Variants in MRPL44 observed in about 807,000 individuals in gnomAD.
MRPL44 encodes the protein mitochondrial ribosomal protein L44, also known as large ribosomal subunit protein mL44.
A neutral mutation model predicts 25.9 loss-of-function variants in MRPL44; 21 were observed. The observed-to-expected ratio is 0.81, with a 90% CI of 0.58 to 1.17. The LOEUF (loss-of-function observed/expected upper bound fraction) is 1.17, where lower values mean the gene tolerates loss of function less well. Among genes scored for constraint, MRPL44 ranks in the 50% most tolerant of loss-of-function variants. The pLI is 0.00. For missense variants in MRPL44, 410 were observed against 398.9 expected (o/e 1.03, Z -0.24); for synonymous variants, 169 against 151.0 (o/e 1.12, Z -0.87).
In MRPL44 at chr2:223,961,083, C is replaced by T. The variant is rs533125858; in HGVS notation, c.648+1081C>T. ...TTAATGTTGAGTGCCTTACTATGGGCCAGGCACTCTGCTGAGCTCTGAAGC... is the reference window on the plus strand; with the variant it reads ...TTAATGTTGAGTGCCTTACTATGGGTCAGGCACTCTGCTGAGCTCTGAAGC... On this transcript the variant is annotated intron_variant, in intron 2 of 3. Coordinates refer to ENST00000258383, the MANE Select transcript of MRPL44 (RefSeq NM_022915.5). Among the ~76,000 whole-genome samples, 8 of 152,260 alleles carry T rather than the reference C, an allele frequency of 5.3e-5. 1 individual carries two copies. In the South Asian group the frequency reaches 1.7e-3, roughly 32 times the overall value.
At chr2:223,951,289 G>A in the MRPL44 span, among the ~76,000 whole-genome samples, 1 of 152,154 alleles carries the variant, frequency 6.6e-6, no homozygotes, top group African/African-American at 2.4e-5. Flanking sequence ...GGTACACAAA[G>A]AGAAATTATT....
chr2:223,951,538 G>GCAC, the MRPL44 span, among the ~76,000 whole-genome samples: 1 of 147,106 alleles, frequency 6.8e-6, no homozygotes, highest in Admixed American at 7.0e-5. Flanking sequence ...GAGTGCAGTG[G>GCAC]CACGTTCTCG....
Position 223,967,199 on chromosome 2 carries a change from G to T in MRPL44, c.*165G>T. On this transcript the variant is annotated 3_prime_UTR_variant, in exon 4 of 4. Transcript: ENST00000258383. ...GTGTTAACCAAGTCACAGTGTTTTT[G>T]GTTTTGTTTTTCTGAAATCTTGGTT... 17 of 718,082 alleles carry T rather than the reference G, an allele frequency of 2.4e-5. No individual in the cohort carries two copies. Among genetic ancestry groups the T allele is most frequent in the South Asian group, 1.4e-4 (5 of 37,022 alleles). 44.5% of individuals were successfully genotyped at this position (718,082 alleles called of 1,614,324 possible).
upstream of MRPL44, among the ~76,000 whole-genome samples, chr2:223,954,547 G>A (rs181399548): frequency 9.4e-4 from 143 of 152,322 alleles, no homozygotes; most frequent in Non-Finnish European, 1.7e-3. Context: ...TGGGAGTGGA[G>A]GATCCAATTC....
chr2:223,962,988 C>T (rs11886462), intron 2 of MRPL44, among the ~76,000 whole-genome samples: 55,666 of 152,120 alleles, frequency 0.37, 10,966 homozygotes, highest in Non-Finnish European at 0.44. Flanking sequence ...AGGTGTGAGC[C>T]ACCTCACCTG....
intron 2 of MRPL44, among the ~76,000 whole-genome samples, chr2:223,962,564 A>G (rs1048307257): frequency 2.0e-5 from 3 of 152,224 alleles, no homozygotes; most frequent in Admixed American, 6.5e-5. Context: ...TCTATACAAC[A>G]TAATACTTTT....
At chr2:223,963,680 T>G in intron 2 of MRPL44, 76 bp from the exon 3 acceptor site, 1 of 943,824 alleles carries the variant, frequency 1.1e-6, no homozygotes, top group South Asian at 3.0e-5. Flanking sequence ...ATTTAAAAAG[T>G]GTAAAAAATG....
At chr2:223,956,071 A>G (rs2106114364), upstream of MRPL44, among the ~76,000 whole-genome samples, 1 of 152,344 alleles carries the variant, frequency 6.6e-6, no homozygotes, top group Non-Finnish European at 1.5e-5. Context: ...ATTTTTCCTA[A>G]TAAATGAAAT....
At chr2:223,951,483 T>TC in the MRPL44 span, among the ~76,000 whole-genome samples, 1 of 140,318 alleles carries the variant, frequency 7.1e-6, no homozygotes, top group East Asian at 2.0e-4. Flanking sequence ...TTGGAGTTTT[T>TC]TTTTTTTTTT....
chr2:223,966,056 C>CT (rs1441500622), intron 3 of MRPL44, among the ~76,000 whole-genome samples: 2 of 152,034 alleles, frequency 1.3e-5, no homozygotes, highest in Admixed American at 1.3e-4. Flanking sequence ...ACCCCCGTCT[C>CT]TACTAAAAAT....
At chr2:223,955,989 T>C (rs1342326448), upstream of MRPL44, among the ~76,000 whole-genome samples, 2 of 152,238 alleles carry the variant, frequency 1.3e-5, no homozygotes, top group African/African-American at 4.8e-5. Flanking sequence ...CGTTGTTGTA[T>C]GACTGAGAAA....
chr2:223,966,530 C>T (rs1275598881), intron 3 of MRPL44, among the ~76,000 whole-genome samples: 1 of 152,130 alleles, frequency 6.6e-6, no homozygotes, highest in East Asian at 1.9e-4. Flanking sequence ...AATATTTTTA[C>T]TAGTTTCAGG....
rs1689752346 is a variant in MRPL44, at chr2:223,967,010, A to G, written c.975A>G (p.Ala325=). The G allele has an allele frequency of 6.2e-7, 1 of 1,612,974 alleles. No individual in the cohort carries two copies. The highest frequency in any genetic ancestry group is 8.5e-7 in the Non-Finnish European group (1 of 1,179,426). Residue 325 remains alanine, a synonymous_variant, in exon 4 of 4, where the codon GCA becomes GCG. Coordinates refer to ENST00000258383, the MANE Select transcript of MRPL44 (RefSeq NM_022915.5). ...CCAAGCCCAAAGAAACCTTGAGAGC[A>G]GAAAAGAGCATCACTGCCAGCTAGC... ...NYSKPKETLR[A]EKSITAS
At chr2:223,951,333 G>A in the MRPL44 span, among the ~76,000 whole-genome samples, 1 of 152,186 alleles carries the variant, frequency 6.6e-6, no homozygotes, top group East Asian at 1.9e-4. Context: ...TGAGGAACAG[G>A]TGGTGTTTGG....
chr2:223,955,447 A>C (rs1008787429), upstream of MRPL44, among the ~76,000 whole-genome samples: 1 of 152,222 alleles, frequency 6.6e-6, no homozygotes. Flanking sequence ...CAGGTGGTTC[A>C]GAATTGCTTG....
chr2:223,957,467 C>G lies in MRPL44; in HGVS notation c.-6C>G, dbSNP rs1689583420. 6.2e-7 allele frequency: 1 copy of G among 1,614,136 alleles called. No individual in the cohort carries two copies. The highest frequency in any genetic ancestry group is 1.1e-5 in the South Asian group (1 of 91,090). ...CGTTCCGTCTTCCATCGTTTTCTCT[C>G]GTGCAATGGCGTCCGGGCTGGTAAG... On this transcript the variant is annotated 5_prime_UTR_variant, in exon 1 of 4. Transcript: ENST00000258383.
chr2:223,957,302 C>CCCGCCCCGGGGCTGTCT, upstream of MRPL44: 1 of 748,110 alleles, frequency 1.3e-6, no homozygotes, highest in Non-Finnish European at 2.2e-6. Context: ...CCGCAATCAC[C>CCCGCCCCGGGGCTGTCT]CCGCCCCGGG....
chr2:223,966,802 C>T (rs1689747630), intron 3 of MRPL44, 61 bp from the exon 4 acceptor site: 1 of 1,469,230 alleles, frequency 6.8e-7, no homozygotes, highest in African/African-American at 1.4e-5. Flanking sequence ...TTTATAACTG[C>T]TTTGTGTACT....
intron 1 of MRPL44, among the ~76,000 whole-genome samples, chr2:223,959,124 T>C (rs1037552809): frequency 3.3e-5 from 5 of 152,212 alleles, no homozygotes; most frequent in African/African-American, 9.6e-5. Context: ...CCTACAGATA[T>C]TGAGGGATGA....
Sources: gnomAD v4.1 joint callset for allele counts (sites outside exome capture counted in the v4.1 genomes callset) on GRCh38, gnomAD v4.1.1 for gene constraint, MANE v1.5 for transcripts, NCBI Gene and HGNC (gene_info 2026-07-23, HGNC 2026-07-21) for gene names.